SLC1A7: variants seen among roughly 807,000 people sequenced by gnomAD.
The protein encoded by SLC1A7 is solute carrier family 1 member 7, also known as excitatory amino acid transporter 5.
Under a neutral mutation model 47.7 loss-of-function variants are expected in SLC1A7, and 40 were observed. The ratio of observed to expected loss-of-function variants is 0.84; its 90% confidence interval spans 0.65 to 1.09. The LOEUF is 1.09. Ranked by LOEUF, SLC1A7 falls within the 50% of genes least tolerant of loss-of-function variation. The pLI is 0.00. For missense variants in SLC1A7, 746 were observed against 769.5 expected (o/e 0.97, Z 0.36); for synonymous variants, 323 against 325.6 (o/e 0.99, Z 0.09).
intron 3 of SLC1A7, among the ~76,000 whole-genome samples, chr1:53,106,850 A>G (rs1035783787): frequency 6.6e-6 from 1 of 152,154 alleles, no homozygotes; most frequent in African/African-American, 2.4e-5. Context: ...AAAGAAATAA[A>G]TAAGTCTTTG....
At chr1:53,142,277 T>G in intron 1 of SLC1A7, 38 bp downstream of exon 1, 1 of 1,545,694 alleles carries the variant, frequency 6.5e-7, no homozygotes, top group Middle Eastern at 1.7e-4. Context: ...CACACGCCCC[T>G]CCTGGACAGG....
In SLC1A7 at chr1:53,092,664, G is replaced by A. The variant is rs576193959; in HGVS notation, c.921C>T (p.His307=). 5.0e-5 allele frequency: 80 copies of A among 1,614,096 alleles called. No individual in the cohort carries two copies. The highest frequency in any genetic ancestry group is 3.2e-4 in the South Asian group (29 of 91,086). The change falls in exon 7 of 11, where the codon CAC becomes CAT. Residue 307 remains histidine (H), a synonymous_variant. Coordinates refer to ENST00000371494, the MANE Select transcript of SLC1A7 (RefSeq NM_006671.6). ...AGAGCAGGGGCAGGATAAAGAGCCC[G>A]TGGAGCACCAGCCCGCACACCACGG... ...SVTVVCGLVL[H]GLFILPLLYF...
chr1:53,088,795 G>A, intron 10 of SLC1A7, 82 bp downstream of exon 10: 2 of 1,021,226 alleles, frequency 2.0e-6, no homozygotes, highest in Middle Eastern at 2.6e-4. Flanking sequence ...AGGCTGCCGA[G>A]CTGGTTGGTG....
intron 4 of SLC1A7, among the ~76,000 whole-genome samples, chr1:53,105,204 C>T (rs996359255): frequency 4.6e-5 from 7 of 152,100 alleles, no homozygotes; most frequent in African/African-American, 9.7e-5. Flanking sequence ...TTGTTTTCTA[C>T]TTTATATTGT....
In SLC1A7 at chr1:53,103,564, C is replaced by T. The variant is rs527517279; in HGVS notation, c.479G>A (p.Arg160His). The T allele has an allele frequency of 1.3e-5, 21 of 1,586,076 alleles. No individual in the cohort carries two copies. Among genetic ancestry groups the T allele is most frequent in the South Asian group, 5.8e-5 (5 of 86,616 alleles). Residue 160 changes from arginine to histidine, a missense_variant, in exon 5 of 11, where the codon CGC (arginine) becomes CAC (histidine). Coordinates refer to ENST00000371494, the MANE Select transcript of SLC1A7 (RefSeq NM_006671.6). Reference protein sequence around the residue: ...NLVEATFKQYRTKTTPVVKSP... With the variant: ...NLVEATFKQYHTKTTPVVKSP... The stretch of plus-strand genomic sequence containing the variant: ...CTTGACAACTGGGGTGGTCTTGGTG[C>T]GGTACTGGTGGGTGACACCCCACCC...
intron 1 of SLC1A7, among the ~76,000 whole-genome samples, chr1:53,137,287 C>CAAAAAAAGAAAA (rs1645011229): frequency 9.9e-6 from 1 of 100,750 alleles, no homozygotes; most frequent in African/African-American, 3.9e-5. Context: ...ACGCTATCTC[C>CAAAAAAAGAAAA]AAAAAAAAAA....
At chr1:53,107,648 G>C (rs2790428) in intron 3 of SLC1A7, among the ~76,000 whole-genome samples, 94,316 of 152,144 alleles carry the variant, frequency 0.62, 31,650 homozygotes, top group Non-Finnish European at 0.77. Context: ...GCGTGACCAA[G>C]CACTACCATC....
intron 2 of SLC1A7, among the ~76,000 whole-genome samples, chr1:53,117,892 C>A (rs1183346468): frequency 6.6e-6 from 1 of 152,232 alleles, no homozygotes; most frequent in Non-Finnish European, 1.5e-5. Context: ...AGGAGAGCAC[C>A]CATGGACGAA....
intron 3 of SLC1A7, 68 bp from the exon 4 acceptor site, chr1:53,105,842 T>G: frequency 7.4e-7 from 1 of 1,348,338 alleles, no homozygotes; most frequent in South Asian, 1.2e-5. Context: ...GGTTGTGGCC[T>G]TGGGGTCATC....
intron 5 of SLC1A7, chr1:53,102,576 G>A (rs910203114): frequency 6.6e-6 from 1 of 152,452 alleles, no homozygotes; most frequent in Non-Finnish European, 1.5e-5. Flanking sequence ...AGTCTCACGG[G>A]GCTTTTCAGC....
intron 1 of SLC1A7, among the ~76,000 whole-genome samples, chr1:53,139,762 T>C (rs1274836957): frequency 6.6e-6 from 1 of 152,182 alleles, no homozygotes; most frequent in Admixed American, 6.5e-5. Flanking sequence ...TCTCTATTTC[T>C]TTTTCTCAAC....
chr1:53,097,978 ACTCGGTACACTCACACCAC>A (rs1644518653), intron 5 of SLC1A7, among the ~76,000 whole-genome samples: 4 of 97,752 alleles, frequency 4.1e-5, no homozygotes, highest in African/African-American at 7.1e-5. Flanking sequence ...ACACACCACA[ACTCGGTACACTCACACCAC>A]CTCGGTACAC....
chr1:53,130,508 C>T (rs1422361725), intron 2 of SLC1A7, among the ~76,000 whole-genome samples: 4 of 151,298 alleles, frequency 2.6e-5, no homozygotes, highest in East Asian at 3.9e-4. Context: ...CCCACTCCCC[C>T]GCTACTGCCC....
intron 5 of SLC1A7, among the ~76,000 whole-genome samples, chr1:53,096,176 C>T (rs1410816662): frequency 6.6e-6 from 1 of 151,350 alleles, no homozygotes; most frequent in African/African-American, 2.4e-5. Context: ...CACCTCGGTA[C>T]ACCCACATGC....
chr1:53,127,566 G>A (rs183701125), intron 2 of SLC1A7, among the ~76,000 whole-genome samples: 3 of 152,328 alleles, frequency 2.0e-5, no homozygotes, highest in East Asian at 1.9e-4. Context: ...TCCTCCTCCC[G>A]CAGTGTGGCA....
intron 2 of SLC1A7, among the ~76,000 whole-genome samples, chr1:53,129,512 GCACACA>G (rs1199158606): frequency 0.022 from 2,165 of 100,564 alleles, 10 homozygotes; most frequent in Middle Eastern, 0.038. Flanking sequence ...TTGGACTGAA[GCACACA>G]TGTCTGAGGA....
At chr1:53,112,656 C>T (rs1355988593) in intron 3 of SLC1A7, among the ~76,000 whole-genome samples, 1 of 152,186 alleles carries the variant, frequency 6.6e-6, no homozygotes, top group Non-Finnish European at 1.5e-5. Context: ...GGGGCTGGTG[C>T]CTGACTCATG....
In SLC1A7 at chr1:53,092,787, C is replaced by T; in HGVS notation, c.798G>A (p.Trp266Ter). ...SVMKIVAVAV[W>*]YFPFGIVFLI... ...GGAACACAATGCCGAAGGGGAAATA[C>T]CTGGGGGCGGCGGGGCAGCCAGGCT... The change falls in exon 7 of 11, where the codon TGG becomes TGA. Residue 266 changes from tryptophan to a stop codon, truncating the protein, a stop_gained and splice_region_variant. Coordinates refer to ENST00000371494, the MANE Select transcript of SLC1A7 (RefSeq NM_006671.6). LOFTEE classifies it high-confidence loss of function. 6.2e-7 allele frequency: 1 copy of T among 1,606,082 alleles called. No individual in the cohort carries two copies.
chr1:53,125,405 G>A (rs1204913070), intron 2 of SLC1A7, among the ~76,000 whole-genome samples: 1 of 152,184 alleles, frequency 6.6e-6, no homozygotes, highest in African/African-American at 2.4e-5. Flanking sequence ...TTGAGAACTT[G>A]AGATCTGCAG....
Sources: gnomAD v4.1 joint callset for allele counts (sites outside exome capture counted in the v4.1 genomes callset) on GRCh38, gnomAD v4.1.1 for gene constraint, MANE v1.5 for transcripts, NCBI Gene and HGNC (gene_info 2026-07-23, HGNC 2026-07-21) for gene names.